UMAD1: variants seen among roughly 807,000 people sequenced by gnomAD.
UMAD1 encodes the protein UBAP1-MVB12-associated (UMA) domain containing 1, also known as UBAP1-MVB12-associated (UMA)-domain containing protein 1.
UMAD1 carries 8 observed loss-of-function variants against 6.1 expected under a neutral mutation model. The ratio of observed to expected loss-of-function variants is 1.30; its 90% CI spans 0.76 to 2.35. The LOEUF (loss-of-function observed/expected upper bound fraction) is 2.35, where lower values mean the gene tolerates loss of function less well. Ranked by LOEUF, UMAD1 falls within the 30% of genes most tolerant of loss-of-function variation. The pLI is 0.00. For missense variants in UMAD1, 130 were observed against 78.4 expected (o/e 1.66, Z -2.49); for synonymous variants, 56 against 31.4 (o/e 1.78, Z -2.61).
chr7:7,699,294 A>G (rs1780399056), intron 2 of UMAD1, among the ~76,000 whole-genome samples: 1 of 151,914 alleles, frequency 6.6e-6, no homozygotes, highest in Non-Finnish European at 1.5e-5. Context: ...GTTTTCATTG[A>G]CTCTTTATCC....
At chr7:7,766,934 A>G (rs1160975427) in intron 2 of UMAD1, among the ~76,000 whole-genome samples, 1 of 152,086 alleles carries the variant, frequency 6.6e-6, no homozygotes. Flanking sequence ...TGGAATTTAT[A>G]TTTTGGTGGA....
intron 3 of UMAD1, among the ~76,000 whole-genome samples, chr7:7,866,663 G>A (rs1184680519): frequency 1.3e-5 from 2 of 152,238 alleles, no homozygotes; most frequent in Admixed American, 6.5e-5. Context: ...TTGGTTAACA[G>A]CGGATAGCTT....
chr7:7,712,311 G>C (rs1336425900), intron 2 of UMAD1, among the ~76,000 whole-genome samples: 1 of 152,018 alleles, frequency 6.6e-6, no homozygotes, highest in South Asian at 2.1e-4. Flanking sequence ...GGGGAGAATT[G>C]CTATATTTAC....
intron 2 of UMAD1, among the ~76,000 whole-genome samples, chr7:7,799,591 T>G (rs1483260903): frequency 6.6e-6 from 1 of 152,224 alleles, no homozygotes; most frequent in East Asian, 1.9e-4. Flanking sequence ...GTAAAGGACT[T>G]TTTATAGTGC....
chr7:7,769,198 A>G (rs1370571030), intron 2 of UMAD1, among the ~76,000 whole-genome samples: 1 of 152,220 alleles, frequency 6.6e-6, no homozygotes, highest in Non-Finnish European at 1.5e-5. Flanking sequence ...TAACATGGTT[A>G]GGGAAATAGT....
intron 3 of UMAD1, among the ~76,000 whole-genome samples, chr7:7,829,307 G>A (rs577676865): frequency 2.1e-4 from 32 of 152,032 alleles, no homozygotes; most frequent in African/African-American, 7.7e-4. Context: ...AGTGCTAAGA[G>A]CAATAACTCT....
intron 1 of UMAD1, among the ~76,000 whole-genome samples, chr7:7,646,082 G>A (rs1274010562): frequency 2.0e-5 from 3 of 152,138 alleles, no homozygotes; most frequent in Non-Finnish European, 2.9e-5. Context: ...GTCTAGGGGC[G>A]TTACAGTGCT....
At chr7:7,667,510 G>A (rs954164663) in intron 1 of UMAD1, among the ~76,000 whole-genome samples, 6 of 152,154 alleles carry the variant, frequency 3.9e-5, no homozygotes, top group African/African-American at 1.4e-4. Flanking sequence ...GATGGGCAGA[G>A]GTTGCAGTTT....
chr7:7,871,741 T>C (rs902835145), intron 3 of UMAD1, among the ~76,000 whole-genome samples: 2 of 151,964 alleles, frequency 1.3e-5, no homozygotes, highest in African/African-American at 4.8e-5. Context: ...TTTATCAGGA[T>C]AACTTGAATG....
chr7:7,726,740 C>T (rs1781144966), intron 2 of UMAD1, among the ~76,000 whole-genome samples: 1 of 152,124 alleles, frequency 6.6e-6, no homozygotes, highest in South Asian at 2.1e-4. Flanking sequence ...TGCCAGGAGA[C>T]ACAACAACGA....
intron 2 of UMAD1, among the ~76,000 whole-genome samples, chr7:7,699,605 A>C (rs1354421968): frequency 6.6e-6 from 1 of 152,192 alleles, no homozygotes; most frequent in Non-Finnish European, 1.5e-5. Flanking sequence ...TCTTGGAAAT[A>C]GATTTAGTTC....
intron 2 of UMAD1, among the ~76,000 whole-genome samples, chr7:7,706,990 T>C (rs1010139173): frequency 6.6e-6 from 1 of 152,196 alleles, no homozygotes; most frequent in African/African-American, 2.4e-5. Context: ...TTCTTGTCTT[T>C]GAAGTCAAAA....
intron 3 of UMAD1, among the ~76,000 whole-genome samples, chr7:7,831,547 G>A (rs1378454535): frequency 1.3e-5 from 2 of 152,130 alleles, no homozygotes; most frequent in Admixed American, 6.5e-5. Context: ...GTTTTGTGTT[G>A]TTTTTAGGCT....
chr7:7,876,878 C>A (rs944153851), intron 3 of UMAD1, among the ~76,000 whole-genome samples: 2 of 152,072 alleles, frequency 1.3e-5, no homozygotes, highest in Non-Finnish European at 2.9e-5. Flanking sequence ...GGCAATTTGC[C>A]CCATAAGCAT....
chr7:7,772,868 A>C (rs1449844174), intron 2 of UMAD1, among the ~76,000 whole-genome samples: 2 of 152,210 alleles, frequency 1.3e-5, no homozygotes, highest in Admixed American at 6.5e-5. Flanking sequence ...AACTGTGTGA[A>C]AGTGGATTAG....
At chr7:7,677,226 G>A (rs551101874) in intron 2 of UMAD1, among the ~76,000 whole-genome samples, 1 of 151,992 alleles carries the variant, frequency 6.6e-6, no homozygotes, top group Non-Finnish European at 1.5e-5. Flanking sequence ...ATCACTTCAA[G>A]CAATTATTTC....
intron 2 of UMAD1, among the ~76,000 whole-genome samples, chr7:7,783,672 G>A (rs1484427670): frequency 6.6e-6 from 1 of 152,172 alleles, no homozygotes; most frequent in Non-Finnish European, 1.5e-5. Context: ...CATTAGAGAG[G>A]CGTAAAACTG....
rs576974420 is a variant in UMAD1, at chr7:7,789,629, A to T, written c.83-12041A>T. Among the ~76,000 whole-genome samples the T allele has an allele frequency of 1.9e-3, 214 of 110,584 alleles. 6 individuals carry two copies. The highest frequency in any genetic ancestry group is 8.3e-3 in the African/African-American group (203 of 24,378). 72.5% of individuals were successfully genotyped at this position (110,584 alleles called of 152,430 possible). A position where few individuals can be genotyped will look rare whatever the true frequency, so the allele number is the denominator to read the frequency against. On this transcript the variant is annotated intron_variant, in intron 2 of 3. Transcript: ENST00000682710. Reference sequence around the variant, plus strand: ...ACAAAATACCCCTTCTCCCCTCCCCACAGACCCTGGAAACCACCATTCTGT... The same window carrying T: ...ACAAAATACCCCTTCTCCCCTCCCCTCAGACCCTGGAAACCACCATTCTGT...
intron 3 of UMAD1, among the ~76,000 whole-genome samples, chr7:7,825,853 C>A (rs963926639): frequency 6.6e-6 from 1 of 152,090 alleles, no homozygotes; most frequent in Non-Finnish European, 1.5e-5. Context: ...GGATTGGTTC[C>A]ATGACCTCTG....
Sources: gnomAD v4.1 joint callset for allele counts (sites outside exome capture counted in the v4.1 genomes callset) on GRCh38, gnomAD v4.1.1 for gene constraint, MANE v1.5 for transcripts, NCBI Gene and HGNC (gene_info 2026-07-23, HGNC 2026-07-21) for gene names.